The following SNX25 variants were observed in gnomAD, a reference collection of about 807,000 sequenced individuals.
SNX25 encodes the protein sorting nexin 25.
Under a neutral mutation model 113.7 loss-of-function variants are expected in SNX25, and 62 were observed. That is an observed-to-expected ratio of 0.55 (90% CI 0.44 to 0.67). SNX25 has a LOEUF of 0.67. Among genes scored for constraint, SNX25 ranks in the 30% least tolerant of loss-of-function variants. The probability of loss-of-function intolerance (pLI) is 0.00; values close to 1 mark genes in which losing one functional copy is unlikely to be tolerated. For missense variants in SNX25, 1,014 were observed against 1,161.0 expected, an observed-to-expected ratio of 0.87 and a Z score of 1.84; for synonymous variants, 421 against 436.2, an observed-to-expected ratio of 0.97 and a Z score of 0.43.
chr4:185,311,815 C>A (rs896713804), intron 7 of SNX25, among the ~76,000 whole-genome samples: 2 of 152,190 alleles, frequency 1.3e-5, no homozygotes, highest in Non-Finnish European at 2.9e-5. Context: ...TCTGTTAGAG[C>A]CTCTGCAGGA....
the SNX25 span, chr4:185,378,319 C>A: frequency 6.8e-7 from 1 of 1,466,160 alleles, no homozygotes; most frequent in Non-Finnish European, 9.0e-7. Context: ...TCTCTCATCG[C>A]CTAGATAGAA....
the SNX25 span, among the ~76,000 whole-genome samples, chr4:185,376,285 T>C: frequency 6.6e-6 from 1 of 152,012 alleles, no homozygotes; most frequent in Non-Finnish European, 1.5e-5. Context: ...AATACAAACA[T>C]ACTTTTTTTT....
chr4:185,229,000 C>G (rs1202818569), intron 1 of SNX25, among the ~76,000 whole-genome samples: 1 of 152,158 alleles, frequency 6.6e-6, no homozygotes, highest in African/African-American at 2.4e-5. Flanking sequence ...GCTCTGCTGT[C>G]TCATAAGGGA....
intron 10 of SNX25, among the ~76,000 whole-genome samples, chr4:185,335,345 C>G (rs928615288): frequency 7.3e-5 from 11 of 150,830 alleles, no homozygotes; most frequent in African/African-American, 2.5e-4. Flanking sequence ...CACACACACA[C>G]ACACACACAC....
At chr4:185,238,024 C>T (rs1742921733) in intron 1 of SNX25, among the ~76,000 whole-genome samples, 1 of 141,858 alleles carries the variant, frequency 7.0e-6, no homozygotes, top group Non-Finnish European at 1.5e-5. Context: ...GATCACACCA[C>T]TGCACTCCAG....
intron 2 of SNX25, among the ~76,000 whole-genome samples, chr4:185,250,029 A>T (rs1477549602): frequency 6.6e-6 from 1 of 152,066 alleles, no homozygotes; most frequent in Non-Finnish European, 1.5e-5. Flanking sequence ...TGTATACTGG[A>T]CAATGTGGAT....
chr4:185,231,553 T>C (rs868332598), intron 1 of SNX25, among the ~76,000 whole-genome samples: 20 of 151,674 alleles, frequency 1.3e-4, no homozygotes, highest in South Asian at 2.1e-4. Flanking sequence ...CTACTAAAAA[T>C]ACAAAAAATT....
At chr4:185,318,783 T>C (rs1241168879) in intron 7 of SNX25, among the ~76,000 whole-genome samples, 6 of 152,346 alleles carry the variant, frequency 3.9e-5, no homozygotes, top group Non-Finnish European at 7.4e-5. Context: ...CTGTACCTGA[T>C]ACCAAGTAAA....
chr4:185,215,433 C>T (rs1176498442), intron 1 of SNX25, among the ~76,000 whole-genome samples: 2 of 152,154 alleles, frequency 1.3e-5, no homozygotes, highest in Non-Finnish European at 2.9e-5. Flanking sequence ...TGCTCCAGTT[C>T]GCTTGGATCA....
chr4:185,234,274 A>G (rs1036637051), intron 1 of SNX25, among the ~76,000 whole-genome samples: 3 of 152,220 alleles, frequency 2.0e-5, no homozygotes, highest in Non-Finnish European at 4.4e-5. Context: ...TCACCAGGAA[A>G]CATTACGAAA....
chr4:185,242,715 C>G (rs1326091703), intron 1 of SNX25, among the ~76,000 whole-genome samples: 2 of 152,124 alleles, frequency 1.3e-5, no homozygotes, highest in Non-Finnish European at 2.9e-5. Flanking sequence ...GGTGGGATCT[C>G]TGATGGGAGG....
upstream of SNX25, among the ~76,000 whole-genome samples, chr4:185,208,737 AAAAGAAAG>A (rs141395764): frequency 2.1e-4 from 32 of 151,948 alleles, no homozygotes; most frequent in Non-Finnish European, 3.5e-4. Context: ...AAAAAAGAAA[AAAAGAAAG>A]AAAGAAAGAA....
At chr4:185,343,993 C>T (rs1430700755) in intron 12 of SNX25, among the ~76,000 whole-genome samples, 4 of 152,084 alleles carry the variant, frequency 2.6e-5, no homozygotes, top group Non-Finnish European at 5.9e-5. Flanking sequence ...CCGAAGTGGG[C>T]GGGTCCCTTG....
chr4:185,335,188 C>T (rs1426779790), intron 10 of SNX25, among the ~76,000 whole-genome samples: 9 of 151,728 alleles, frequency 5.9e-5, no homozygotes, highest in African/African-American at 1.5e-4. Flanking sequence ...GTCGTGGTGG[C>T]GGGTGCCTAT....
chr4:185,216,993 G>C lies in SNX25; in HGVS notation c.429+6738G>C, dbSNP rs541171894. 2.6e-5 allele frequency among the ~76,000 whole-genome samples: 4 copies of C among 152,312 alleles called. No individual in the cohort carries two copies. The South Asian group carries it at 6.2e-4, about 24-fold the overall frequency. ...AGCTAGGATTAGAAAGGTAGTGTTG[G>C]CCAGGTTGTGGAAATGCCGTGGAGT... On this transcript the variant is annotated intron_variant, in intron 1 of 18. Coordinates refer to ENST00000652585, the MANE Select transcript of SNX25 (RefSeq NM_001378034.2).
At chr4:185,235,003 G>A (rs1560915679) in intron 1 of SNX25, among the ~76,000 whole-genome samples, 1 of 152,072 alleles carries the variant, frequency 6.6e-6, no homozygotes, top group Non-Finnish European at 1.5e-5. Flanking sequence ...AATAATAAGG[G>A]GATTATGCCC....
chr4:185,258,063 A>G lies in SNX25; in HGVS notation c.515-785A>G, dbSNP rs993708705. ...GCAGATATAGGGAGCAGCCATTCCC[A>G]CTAGGACTGAGGCAGAGGACCTTAG... On this transcript the variant is annotated intron_variant, in intron 2 of 18. Transcript: ENST00000652585. Among the ~76,000 whole-genome samples the G allele has an allele frequency of 3.3e-5, 5 of 152,364 alleles. No individual in the cohort carries two copies. In the South Asian group the frequency reaches 8.3e-4, roughly 25 times the overall value.
At position 185,210,250 on chromosome 4, in the gene SNX25, C is replaced by G. The variant is rs926559686; in HGVS notation, c.424C>G (p.Pro142Ala). Reference protein sequence around the residue: ...LAATSAARRPPGSPVYGNSHE... With the variant: ...LAATSAARRPAGSPVYGNSHE... Reference sequence around the variant, plus strand: ...CGCGACCTCAGCCGCCCGCCGCCCGCCGGGGGTAAGTACCCGACTCCTGGC... The same window carrying G: ...CGCGACCTCAGCCGCCCGCCGCCCGGCGGGGGTAAGTACCCGACTCCTGGC... The change falls in exon 1 of 19, where the codon CCG becomes GCG. Residue 142 changes from proline (P) to alanine (A), a missense_variant. Coordinates refer to ENST00000652585, the MANE Select transcript of SNX25 (RefSeq NM_001378034.2). This position sits in a 1 kb window ranked among gnomAD's most constrained non-coding sequence, Gnocchi z 4.4. 1.0e-6 allele frequency: 1 copy of G among 984,974 alleles called. No homozygotes were observed. The highest frequency in any genetic ancestry group is 1.1e-4 in the East Asian group (1 of 8,786). The allele number at this position is 984,974 out of a possible 1,614,324, so 61.0% of individuals were successfully genotyped here.
At chr4:185,313,332 A>G (rs1441523176) in intron 7 of SNX25, among the ~76,000 whole-genome samples, 1 of 152,232 alleles carries the variant, frequency 6.6e-6, no homozygotes, top group Non-Finnish European at 1.5e-5. Flanking sequence ...AGAACCTTTC[A>G]TTATGATAAA....
Sources: allele counts gnomAD v4.1 joint callset (sites outside exome capture counted in the v4.1 genomes callset), GRCh38; gene constraint gnomAD v4.1.1; non-coding constraint Gnocchi (gnomAD v3.1); transcripts MANE v1.5; gene names NCBI Gene and HGNC (gene_info 2026-07-23, HGNC 2026-07-21).